The following VOPP1 variants were observed in gnomAD, a reference collection of about 807,000 sequenced individuals.
VOPP1 encodes the protein WW domain binding protein VOPP1.
VOPP1 carries 8 observed loss-of-function variants against 23.5 expected under a neutral mutation model. The ratio of observed to expected loss-of-function variants is 0.34; its 90% CI spans 0.20 to 0.61. VOPP1 has a LOEUF of 0.61. VOPP1 is among the 20% of genes least tolerant of loss of function. The pLI, the probability that VOPP1 is intolerant of heterozygous loss-of-function variation, is 0.78. For synonymous variants in VOPP1, 83 were observed against 97.3 expected, an observed-to-expected ratio of 0.85 and a Z score of 0.86; for missense variants, 174 against 238.1, an observed-to-expected ratio of 0.73 and a Z score of 1.77.
At chr7:55,507,577 T>C (rs1562938406) in intron 2 of VOPP1, among the ~76,000 whole-genome samples, 2 of 152,200 alleles carry the variant, frequency 1.3e-5, no homozygotes, top group Non-Finnish European at 2.9e-5. Context: ...AAAATAACAT[T>C]TTTAATAGAA....
chr7:55,464,649 T>C (rs1036046567), intron 4 of VOPP1, among the ~76,000 whole-genome samples: 2 of 152,324 alleles, frequency 1.3e-5, no homozygotes, highest in South Asian at 2.1e-4. Context: ...AATCTGGCTA[T>C]ACTGCTGGGT....
intron 4 of VOPP1, among the ~76,000 whole-genome samples, chr7:55,439,328 C>T (rs1790908129): frequency 6.6e-6 from 1 of 151,346 alleles, no homozygotes; most frequent in Non-Finnish European, 1.5e-5. Flanking sequence ...TCGCCTGTGT[C>T]AGAGGCTTCT....
At chr7:55,500,549 C>T (rs1352860505) in intron 2 of VOPP1, among the ~76,000 whole-genome samples, 1 of 152,014 alleles carries the variant, frequency 6.6e-6, no homozygotes, top group Non-Finnish European at 1.5e-5. Flanking sequence ...CCCAAATGTG[C>T]TTTCCCAGAC....
At chr7:55,500,906 C>A (rs1794320406) in intron 2 of VOPP1, among the ~76,000 whole-genome samples, 1 of 152,196 alleles carries the variant, frequency 6.6e-6, no homozygotes, top group African/African-American at 2.4e-5. Flanking sequence ...TAACATGGAG[C>A]CTTTCATGAC....
At chr7:55,469,077 C>CA (rs923859828), downstream of VOPP1, among the ~76,000 whole-genome samples, 1 of 152,070 alleles carries the variant, frequency 6.6e-6, no homozygotes, top group African/African-American at 2.4e-5. Flanking sequence ...TATGAGTGTT[C>CA]ACGGTAATTT....
At chr7:55,489,201 G>A (rs1365644586) in intron 4 of VOPP1, among the ~76,000 whole-genome samples, 3 of 152,234 alleles carry the variant, frequency 2.0e-5, no homozygotes, top group Non-Finnish European at 2.9e-5. Context: ...GGGAAATGAT[G>A]GAAACTGTAC....
chr7:55,500,754 T>C (rs1465246864), intron 2 of VOPP1, among the ~76,000 whole-genome samples: 2 of 152,212 alleles, frequency 1.3e-5, no homozygotes, highest in Admixed American at 6.5e-5. Context: ...GATAAAGTAT[T>C]ATTAGTGCCA....
downstream of VOPP1, among the ~76,000 whole-genome samples, chr7:55,466,196 A>C (rs1490462239): frequency 1.3e-5 from 2 of 152,218 alleles, no homozygotes; most frequent in African/African-American, 4.8e-5. Context: ...AACTCTAAGA[A>C]ATAAATTTCC....
At chr7:55,510,599 A>G (rs77685824) in intron 2 of VOPP1, among the ~76,000 whole-genome samples, 2 of 140,562 alleles carry the variant, frequency 1.4e-5, no homozygotes, top group East Asian at 4.0e-4. Flanking sequence ...TTAGCTTTTA[A>G]TATTTAACTT....
intron 2 of VOPP1, among the ~76,000 whole-genome samples, chr7:55,511,446 G>A (rs1795065725): frequency 6.6e-6 from 1 of 152,150 alleles, no homozygotes; most frequent in Non-Finnish European, 1.5e-5. Context: ...GCTCAAATAT[G>A]TTCTTGCTAC....
intron 1 of VOPP1, among the ~76,000 whole-genome samples, chr7:55,551,847 C>T (rs1024861389): frequency 1.3e-5 from 2 of 151,976 alleles, no homozygotes; most frequent in Non-Finnish European, 1.5e-5. Context: ...TGAGACCAGC[C>T]GGGCCAACAT....
intron 1 of VOPP1, among the ~76,000 whole-genome samples, chr7:55,538,152 C>A (rs1300654992): frequency 6.6e-6 from 1 of 152,216 alleles, no homozygotes; most frequent in Non-Finnish European, 1.5e-5. Flanking sequence ...CTCTAGAGAC[C>A]GCTCTCATTG....
rs777435742 is a variant in VOPP1, at chr7:55,436,981, T to C, written n.418-807A>G. Among the ~76,000 whole-genome samples the C allele has an allele frequency of 7.2e-4, 109 of 152,294 alleles. 1 individual carries two copies. Among genetic ancestry groups the C allele is most frequent in the Non-Finnish European group, 4.9e-4 (33 of 68,014 alleles). ...TGCTGCTCACATGTTGATAAAGATA[T>C]TACCCCACTCTTAAAGTATTGCCCT... is the stretch of plus-strand genomic sequence containing the variant. On this transcript the variant is annotated intron_variant and non_coding_transcript_variant, in intron 4 of 4. Transcript: ENST00000462326.
intron 4 of VOPP1, among the ~76,000 whole-genome samples, chr7:55,478,352 A>G (rs71547932): frequency 0.042 from 6,456 of 152,270 alleles, 214 homozygotes; most frequent in Non-Finnish European, 0.06. Context: ...CTAAAGAGCA[A>G]AATTACAAAA....
At chr7:55,468,636 C>T (rs1248946776), downstream of VOPP1, among the ~76,000 whole-genome samples, 1 of 152,218 alleles carries the variant, frequency 6.6e-6, no homozygotes, top group African/African-American at 2.4e-5. Flanking sequence ...CAGCAGGTGG[C>T]CCAGGATGGA....
intron 1 of VOPP1, among the ~76,000 whole-genome samples, chr7:55,528,945 T>C (rs1316482617): frequency 1.3e-5 from 2 of 152,214 alleles, no homozygotes; most frequent in African/African-American, 2.4e-5. Flanking sequence ...AACATATTCA[T>C]AGGAGAAAGA....
chr7:55,561,591 C>G (rs2129056233), intron 1 of VOPP1, among the ~76,000 whole-genome samples: 1 of 151,594 alleles, frequency 6.6e-6, no homozygotes, highest in East Asian at 1.9e-4. Context: ...CACCTTATGT[C>G]CAGCTACTCA....
intron 2 of VOPP1, among the ~76,000 whole-genome samples, chr7:55,500,098 T>G (rs556084060): frequency 7.0e-4 from 107 of 152,208 alleles, no homozygotes; most frequent in African/African-American, 2.4e-3. Context: ...AGCACTCCAG[T>G]GAGGTTCATG....
At chr7:55,555,698 G>C (rs117042408) in intron 1 of VOPP1, among the ~76,000 whole-genome samples, 1 of 152,138 alleles carries the variant, frequency 6.6e-6, no homozygotes. Flanking sequence ...TATTGAAAAC[G>C]GTAGTAGTCA....
Sources: gnomAD v4.1 joint callset for allele counts (sites outside exome capture counted in the v4.1 genomes callset) on GRCh38, gnomAD v4.1.1 for gene constraint, MANE v1.5 for transcripts, NCBI Gene and HGNC (gene_info 2026-07-23, HGNC 2026-07-21) for gene names.